The following TXK variants were observed in gnomAD, a reference collection of about 807,000 sequenced individuals.
TXK encodes the protein TXK tyrosine kinase.
TXK carries 60 observed loss-of-function variants against 81.0 expected under a neutral mutation model. The observed-to-expected ratio is 0.74, with a 90% CI of 0.60 to 0.92. TXK has a LOEUF of 0.92. Ranked by LOEUF, TXK falls within the 40% of genes least tolerant of loss-of-function variation. The probability of loss-of-function intolerance (pLI) is 0.00; values close to 1 mark genes in which losing one functional copy is unlikely to be tolerated. For missense variants in TXK, 581 were observed against 638.3 expected, an observed-to-expected ratio of 0.91 and a Z score of 0.97; for synonymous variants, 203 against 210.7, an observed-to-expected ratio of 0.96 and a Z score of 0.32.
rs1386639068 is a variant in TXK, at chr4:48,073,156, G to C, written c.1357+779C>G. On this transcript the variant is annotated intron_variant, in intron 13 of 14. Coordinates refer to ENST00000264316, the MANE Select transcript of TXK (RefSeq NM_003328.3). ...TGCCCAGGCTAGTCTTGAACTCCTG[G>C]TCTCAAACAATCCTCCCACTTCAGC... Among the ~76,000 whole-genome samples the C allele has an allele frequency of 4.0e-5, 6 of 148,290 alleles. 1 individual carries two copies. The highest frequency in any genetic ancestry group is 3.4e-3 in the Middle Eastern group (1 of 292).
At chr4:48,128,658 G>A (rs370217070) in intron 1 of TXK, among the ~76,000 whole-genome samples, 30 of 138,264 alleles carry the variant, frequency 2.2e-4, no homozygotes, top group African/African-American at 7.0e-4. Flanking sequence ...CTCTGCTCCC[G>A]GGTTCACGCC....
At chr4:48,074,152 AT>A (rs1716972969) in intron 12 of TXK, 99 bp from the exon 13 acceptor site, 1 of 883,582 alleles carries the variant, frequency 1.1e-6, no homozygotes, top group Non-Finnish European at 1.8e-6. Flanking sequence ...AAGACAAAGT[AT>A]TTTACCCCAG....
At chr4:48,111,180 T>C (rs1718622179) in intron 4 of TXK, among the ~76,000 whole-genome samples, 1 of 152,188 alleles carries the variant, frequency 6.6e-6, no homozygotes, top group African/African-American at 2.4e-5. Flanking sequence ...ATGGTAGAAG[T>C]TTCACTTTTC....
intron 1 of TXK, among the ~76,000 whole-genome samples, chr4:48,127,943 G>A (rs904532929): frequency 6.6e-6 from 1 of 152,162 alleles, no homozygotes; most frequent in South Asian, 2.1e-4. Flanking sequence ...TTGGGAACAG[G>A]TTTCCACCAG....
At chr4:48,083,014 G>C (rs1047671196) in intron 10 of TXK, among the ~76,000 whole-genome samples, 1 of 152,178 alleles carries the variant, frequency 6.6e-6, no homozygotes, top group African/African-American at 2.4e-5. Flanking sequence ...CAGGACACTG[G>C]ACAAGAGCTT....
intron 14 of TXK, among the ~76,000 whole-genome samples, 158 bp downstream of exon 14, chr4:48,071,359 A>G (rs1203780901): frequency 6.6e-6 from 1 of 152,178 alleles, no homozygotes; most frequent in African/African-American, 2.4e-5. Flanking sequence ...ATGACTTTGT[A>G]GTGAGTTTGA....
At chr4:48,116,572 G>C (rs1418031400) in intron 1 of TXK, among the ~76,000 whole-genome samples, 1 of 152,214 alleles carries the variant, frequency 6.6e-6, no homozygotes, top group Admixed American at 6.5e-5. Flanking sequence ...GGAAGGGAAG[G>C]TTACCAGAAC....
chr4:48,107,899 T>TAAAA (rs57715867), intron 5 of TXK, among the ~76,000 whole-genome samples: 1 of 128,798 alleles, frequency 7.8e-6, no homozygotes, highest in Non-Finnish European at 1.6e-5. Flanking sequence ...TGTCTCTACT[T>TAAAA]AAAAAAAAAA....
In TXK at chr4:48,067,602, C is replaced by G. The variant is rs371880624; in HGVS notation, c.*35G>C. The G allele has an allele frequency of 3.7e-6, 6 of 1,606,004 alleles. No individual in the cohort carries two copies. The African/African-American group carries it at 6.7e-5, about 18-fold the overall frequency. The stretch of plus-strand genomic sequence containing the variant: ...ATATTCACAATAAATGACAGTTTTG[C>G]AAGATGACTCTTTGGGTTGGCATTC... On this transcript the variant is annotated 3_prime_UTR_variant, in exon 15 of 15. Transcript: ENST00000264316.
intron 8 of TXK, among the ~76,000 whole-genome samples, chr4:48,092,638 G>A (rs1440061997): frequency 2.0e-5 from 2 of 101,310 alleles, no homozygotes; most frequent in African/African-American, 6.5e-5. Context: ...AGTTGTTTTT[G>A]TTTTTAGGAT....
chr4:48,096,552 G>A (rs1001431264), intron 6 of TXK, among the ~76,000 whole-genome samples: 5 of 151,804 alleles, frequency 3.3e-5, no homozygotes, highest in Admixed American at 1.3e-4. Flanking sequence ...ATGGAGTCTC[G>A]CTTCGTCACC....
At chr4:48,099,975 G>A (rs1014613859) in intron 6 of TXK, among the ~76,000 whole-genome samples, 7 of 151,774 alleles carry the variant, frequency 4.6e-5, no homozygotes, top group Non-Finnish European at 7.4e-5. Context: ...ACGAGGTCAG[G>A]AGATCGAGAC....
At chr4:48,091,721 T>C (rs1301217779) in intron 8 of TXK, among the ~76,000 whole-genome samples, 4 of 152,144 alleles carry the variant, frequency 2.6e-5, no homozygotes, top group African/African-American at 9.6e-5. Flanking sequence ...GCCAGGCTGG[T>C]CTTAAACTCC....
chr4:48,098,608 A>G (rs1357280379), intron 6 of TXK, among the ~76,000 whole-genome samples: 1 of 151,362 alleles, frequency 6.6e-6, no homozygotes, highest in Non-Finnish European at 1.5e-5. Context: ...ACACAATAGC[A>G]CTTACTCACT....
rs751542243 is a variant in TXK at position 48,114,400 on chromosome 4, T to A, written c.19A>T (p.Asn7Tyr). The change falls in exon 2 of 15, where the codon AAC (asparagine) becomes TAC (tyrosine). Residue 7 changes from asparagine (N) to tyrosine (Y), a missense_variant and splice_region_variant. Transcript: ENST00000264316. MILSSYNTIQSVFCCCC... is the reference protein window; with the variant it reads MILSSYYTIQSVFCCCC... ...CAACAGAAAACCGACTGGATGGTGT[T>A]ATCTGAAAAGCAGATCATTTCTCAG... The A allele has an allele frequency of 6.2e-7, 1 of 1,614,006 alleles. No homozygotes were observed. The highest frequency in any genetic ancestry group is 1.7e-5 in the Admixed American group (1 of 60,000).
At chr4:48,127,592 G>C (rs1390509124) in intron 1 of TXK, among the ~76,000 whole-genome samples, 1 of 152,210 alleles carries the variant, frequency 6.6e-6, no homozygotes, top group Non-Finnish European at 1.5e-5. Flanking sequence ...AGGAAATGTG[G>C]AAAGAATATA....
intron 5 of TXK, among the ~76,000 whole-genome samples, chr4:48,106,635 G>C (rs1394421341): frequency 6.6e-6 from 1 of 152,008 alleles, no homozygotes; most frequent in Non-Finnish European, 1.5e-5. Context: ...TTGTGTTCTT[G>C]AATTTTTGAT....
rs1302046222 is a variant in TXK at position 48,086,508 on chromosome 4, G to A, written c.914C>T (p.Ser305Phe). 6.2e-7 allele frequency: 1 copy of A among 1,613,994 alleles called. No homozygotes were observed. Among genetic ancestry groups the A allele is most frequent in the Admixed American group, 1.7e-5 (1 of 59,990 alleles). The change falls in exon 10 of 15, where the codon TCC (serine) becomes TTC (phenylalanine). Residue 305 changes from serine to phenylalanine, a missense_variant. By Grantham distance (155) the Ser-to-Phe change is radical. Transcript: ENST00000264316. Reference sequence around the variant, plus strand: ...TTCAATGAAATCCTCTTCAGACATGGAGCCTTCATTGATGGCCTTGATAGC... The same window carrying A: ...TTCAATGAAATCCTCTTCAGACATGAAGCCTTCATTGATGGCCTTGATAGC... ...QVAIKAINEG[S>F]MSEEDFIEEA...
intron 8 of TXK, among the ~76,000 whole-genome samples, chr4:48,092,320 C>T (rs1406317387): frequency 1.3e-5 from 2 of 152,068 alleles, no homozygotes; most frequent in Admixed American, 6.6e-5. Flanking sequence ...TGGGAAGATC[C>T]ATTAGGAACT....
Sources: allele counts gnomAD v4.1 joint callset (sites outside exome capture counted in the v4.1 genomes callset), GRCh38; gene constraint gnomAD v4.1.1; transcripts MANE v1.5; gene names NCBI Gene and HGNC (gene_info 2026-07-23, HGNC 2026-07-21).